Variants in HIPK3 observed in about 807,000 individuals in gnomAD.
The protein encoded by HIPK3 is homeodomain interacting protein kinase 3.
A neutral mutation model predicts 124.2 loss-of-function variants in HIPK3; 47 were observed. The observed-to-expected ratio is 0.38, with a 90% CI of 0.30 to 0.48. The LOEUF is 0.48. Among genes scored for constraint, HIPK3 ranks in the 20% least tolerant of loss-of-function variants. The probability of loss-of-function intolerance (pLI) is 0.98; values close to 1 mark genes in which losing one functional copy is unlikely to be tolerated. For synonymous variants in HIPK3, 482 were observed against 515.2 expected (o/e 0.94, Z 0.87); for missense variants, 1,286 against 1,454.3 (o/e 0.88, Z 1.88).
Position 33,286,720 on chromosome 11 carries a change from TCA to T in HIPK3, c.308_309del (p.His103ArgfsTer29). 1 of 1,614,084 alleles carries T rather than the reference TCA, an allele frequency of 6.2e-7. No individual in the cohort carries two copies. Among genetic ancestry groups the T allele is most frequent in the South Asian group, 1.1e-5 (1 of 91,084 alleles). ...TCATAGCAGCTCAGGCACAGCAAGC[TCA>T]CGTGCAGGCACCTCAGATTGGGGCG... is the stretch of plus-strand genomic sequence containing the variant. Reference protein sequence around the residue: ...KVIAAQAQQAHVQAPQIGAWR... With the variant: ...KVIAAQAQQAXVQAPQIGAWR... On this transcript the variant is annotated frameshift_variant, in exon 2 of 17. Coordinates refer to ENST00000303296, the MANE Select transcript of HIPK3 (RefSeq NM_005734.5). LOFTEE classifies it high-confidence loss of function.
chr11:33,271,915 CAT>C (rs1453699404), intron 1 of HIPK3, among the ~76,000 whole-genome samples: 2 of 151,776 alleles, frequency 1.3e-5, no homozygotes, highest in East Asian at 4.0e-4. Context: ...TTTACACTAA[CAT>C]AAAGAAAAAA....
At chr11:33,277,977 G>T (rs1341373619) in intron 1 of HIPK3, among the ~76,000 whole-genome samples, 1 of 152,004 alleles carries the variant, frequency 6.6e-6, no homozygotes, top group South Asian at 2.1e-4. Context: ...TCTCAGTTAC[G>T]TGTATTGCAA....
Position 33,347,355 on chromosome 11 carries a change from C to T in HIPK3, c.1960C>T (p.Leu654Phe), listed in dbSNP as rs747783399. The T allele has an allele frequency of 4.3e-6, 7 of 1,613,798 alleles. No homozygotes were observed. The Admixed American group carries it at 6.7e-5, about 15-fold the overall frequency. ...YSIRVDNTVP[L>F]VTQAPAVQPL... The stretch of plus-strand genomic sequence containing the variant: ...AATAAGGGTAGATAATACAGTTCCA[C>T]TTGTAACTCAGGCCCCAGCTGTGCA... Residue 654 changes from leucine to phenylalanine, a missense_variant, in exon 9 of 17, where the codon CTT (leucine) becomes TTT (phenylalanine). Physicochemically the swap from Leu to Phe is conservative, Grantham distance 22. Around this residue, in one of 3 missense-constraint regions of HIPK3, gnomAD observed 810 missense variants for 864.9 expected, o/e 0.94. Transcript: ENST00000303296.
intron 6 of HIPK3, 103 bp from the exon 7 acceptor site, chr11:33,340,865 A>AT (rs947969408): frequency 4.1e-5 from 26 of 636,344 alleles, no homozygotes; most frequent in South Asian, 9.5e-5. Context: ...GCAAATTAGG[A>AT]TTTTTTTCTT....
chr11:33,258,914 C>T (rs539946862), intron 1 of HIPK3, among the ~76,000 whole-genome samples: 1 of 151,600 alleles, frequency 6.6e-6, no homozygotes, highest in East Asian at 1.9e-4. Flanking sequence ...CTATTAGCAA[C>T]AGCAAAAAAT....
At chr11:33,327,746 AC>A (rs1852855003) in intron 2 of HIPK3, among the ~76,000 whole-genome samples, 2 of 152,232 alleles carry the variant, frequency 1.3e-5, no homozygotes, top group African/African-American at 4.8e-5. Flanking sequence ...ACACATGCAC[AC>A]TAATCTAGGA....
At chr11:33,259,713 G>T (rs1367695164) in intron 1 of HIPK3, among the ~76,000 whole-genome samples, 3 of 149,082 alleles carry the variant, frequency 2.0e-5, no homozygotes, top group Non-Finnish European at 4.4e-5. Flanking sequence ...GCAGAGATGT[G>T]TTGAAATATT....
At chr11:33,288,900 A>G (rs756409684) in intron 2 of HIPK3, among the ~76,000 whole-genome samples, 15 of 152,196 alleles carry the variant, frequency 9.9e-5, no homozygotes, top group Non-Finnish European at 2.2e-4. Flanking sequence ...TCATTCATGC[A>G]GTTTATTGTT....
At chr11:33,339,243 C>T in intron 5 of HIPK3, 107 bp from the exon 6 acceptor site, 4 of 728,898 alleles carry the variant, frequency 5.5e-6, no homozygotes, top group South Asian at 2.2e-5. Flanking sequence ...TTGTAGTTCC[C>T]TCTCCTCTCC....
intron 2 of HIPK3, among the ~76,000 whole-genome samples, chr11:33,288,597 A>C (rs1158733719): frequency 6.6e-6 from 1 of 152,172 alleles, no homozygotes; most frequent in African/African-American, 2.4e-5. Context: ...GGGGGAAGTT[A>C]AAGAAGAAAA....
At position 33,299,963 on chromosome 11, in the gene HIPK3, G is replaced by A. The variant is rs144798578; in HGVS notation, c.1097+12452G>A. Among the ~76,000 whole-genome samples, 30 of 151,138 alleles carry A rather than the reference G, an allele frequency of 2.0e-4. No individual in the cohort carries two copies. In the East Asian group the frequency reaches 4.7e-3, roughly 24 times the overall value. On this transcript the variant is annotated intron_variant, in intron 2 of 16. Transcript: ENST00000303296. ...CTTGTGCCTGGGAGGCAGAGGTTGC[G>A]GTGAGCAGAGACTGTGCCACTGCAC...
At chr11:33,348,088 T>G in intron 11 of HIPK3, 75 bp downstream of exon 11, 1 of 1,606,472 alleles carries the variant, frequency 6.2e-7, no homozygotes, top group Non-Finnish European at 8.5e-7. Flanking sequence ...CTCTAAAGGG[T>G]CACTCTGTTG....
chr11:33,320,281 G>T (rs1325137654), intron 2 of HIPK3, among the ~76,000 whole-genome samples: 1 of 152,358 alleles, frequency 6.6e-6, no homozygotes, highest in South Asian at 2.1e-4. Flanking sequence ...CAAGCTGCTA[G>T]ATTGAGAATA....
At chr11:33,256,852 T>C (rs954982898), upstream of HIPK3, 1 of 252,146 alleles carries the variant, frequency 4.0e-6, no homozygotes, top group African/African-American at 2.3e-5. Flanking sequence ...TTTACAATTC[T>C]CTTCACTCTT....
At chr11:33,259,049 G>A (rs1332825937) in intron 1 of HIPK3, among the ~76,000 whole-genome samples, 4 of 152,266 alleles carry the variant, frequency 2.6e-5, no homozygotes, top group Admixed American at 2.6e-4. Context: ...GTGCTTTTGC[G>A]TACTTTCTAG....
At chr11:33,273,032 C>T (rs1045599819) in intron 1 of HIPK3, among the ~76,000 whole-genome samples, 1 of 151,050 alleles carries the variant, frequency 6.6e-6, no homozygotes, top group Non-Finnish European at 1.5e-5. Flanking sequence ...TGGGGTCTTG[C>T]CATCTTGCCC....
Position 33,347,923 on chromosome 11 carries a change from T to C in HIPK3, c.2216T>C (p.Leu739Ser). The C allele has an allele frequency of 6.2e-7, 1 of 1,614,190 alleles. No individual in the cohort carries two copies. The highest frequency in any genetic ancestry group is 8.5e-7 in the Non-Finnish European group (1 of 1,180,014). ...CCTCTTCTGACCAATCAGATAACTT[T>C]ATCTGCCCCTCAGCCAGTTAGTGTG... ...PQPLLTNQIT[L>S]SAPQPVSVGI... Residue 739 changes from leucine to serine, a missense_variant, in exon 11 of 17, where the codon TTA becomes TCA. Physicochemically the swap from Leu to Ser is moderately radical, Grantham distance 145 (BLOSUM62 -2). Around this residue, in one of 3 missense-constraint regions of HIPK3, gnomAD observed 810 missense variants for 864.9 expected, o/e 0.94. Transcript: ENST00000303296.
intron 12 of HIPK3, 132 bp downstream of exon 12, chr11:33,348,360 A>G: frequency 9.8e-7 from 1 of 1,016,630 alleles, no homozygotes; most frequent in Non-Finnish European, 1.4e-6. Context: ...GGATATTTCT[A>G]GAGCTATTTT....
chr11:33,287,413 T>C lies in HIPK3; in HGVS notation c.999T>C (p.Pro333=), dbSNP rs1383646732. Residue 333 remains proline, a synonymous_variant, in exon 2 of 17, where the codon CCT becomes CCC. Coordinates refer to ENST00000303296, the MANE Select transcript of HIPK3 (RefSeq NM_005734.5). ...CAGAGAATATTATGTTGGTGGATCC[T>C]GTTCGGCAGCCTTACAGGGTTAAAG... The part of the protein sequence containing the change: ...LKPENIMLVD[P]VRQPYRVKVI... 3.7e-6 allele frequency: 6 copies of C among 1,614,096 alleles called. No individual in the cohort carries two copies. Among genetic ancestry groups the C allele is most frequent in the Non-Finnish European group, 5.1e-6 (6 of 1,180,044 alleles).
Sources: allele counts gnomAD v4.1 joint callset (sites outside exome capture counted in the v4.1 genomes callset), GRCh38; gene constraint gnomAD v4.1.1; regional missense constraint gnomAD v4.1.1; transcripts MANE v1.5; gene names NCBI Gene and HGNC (gene_info 2026-07-23, HGNC 2026-07-21).